The following SYT16 variants were observed in gnomAD, a reference collection of about 807,000 sequenced individuals.
SYT16 encodes the protein synaptotagmin 16.
SYT16 carries 42 observed loss-of-function variants against 61.4 expected under a neutral mutation model. That is an observed-to-expected ratio of 0.68 (90% CI 0.53 to 0.89). SYT16 has a LOEUF of 0.89. Ranked by LOEUF, SYT16 falls within the 40% of genes least tolerant of loss-of-function variation. The pLI is 0.00. For missense variants in SYT16, 804 were observed against 807.3 expected, an observed-to-expected ratio of 1.00 and a Z score of 0.05; for synonymous variants, 314 against 302.3, an observed-to-expected ratio of 1.04 and a Z score of -0.40.
intron 1 of SYT16, among the ~76,000 whole-genome samples, chr14:61,926,185 A>C (rs2049527861): frequency 2.0e-5 from 3 of 151,866 alleles, no homozygotes; most frequent in Admixed American, 1.3e-4. Flanking sequence ...TAGACATTAG[A>C]TGCTAGAAGG....
chr14:61,946,866 G>C (rs1009713964), intron 1 of SYT16, among the ~76,000 whole-genome samples: 2 of 152,140 alleles, frequency 1.3e-5, no homozygotes, highest in African/African-American at 4.8e-5. Flanking sequence ...GCATAGAACT[G>C]TCTTTAGCTA....
At chr14:61,943,656 G>C (rs1024653752) in intron 1 of SYT16, among the ~76,000 whole-genome samples, 5 of 152,164 alleles carry the variant, frequency 3.3e-5, no homozygotes, top group South Asian at 2.1e-4. Flanking sequence ...AATAGATGCA[G>C]AAAAGGCCTT....
At chr14:62,093,525 G>A (rs541698124) in intron 7 of SYT16, among the ~76,000 whole-genome samples, 1 of 151,862 alleles carries the variant, frequency 6.6e-6, no homozygotes, top group East Asian at 1.9e-4. Flanking sequence ...GTTTATACTG[G>A]GTCCACCTAG....
In SYT16 at chr14:62,000,099, ATTTTTTTT is replaced by A; in HGVS notation, c.523+3579_523+3586del. ...TTTCTAATACTTATTTTGTCTCTCG[ATTTTTTTT>A]TTTTTTTTTTTTTTTTTTTTTAGCG... On this transcript the variant is annotated intron_variant, in intron 3 of 7. Transcript: ENST00000683842. 4.7e-4 allele frequency among the ~76,000 whole-genome samples: 9 copies of A among 18,960 alleles called. No homozygotes were observed. The South Asian group carries it at 0.01, about 21-fold the overall frequency. The allele number at this position is 18,960 out of a possible 152,430, so 12.4% of individuals were successfully genotyped here. A position where few individuals can be genotyped will look rare whatever the true frequency, so the allele number is the denominator to read the frequency against.
intron 1 of SYT16, among the ~76,000 whole-genome samples, chr14:61,936,652 C>T (rs1040362619): frequency 9.9e-5 from 15 of 152,152 alleles, no homozygotes; most frequent in African/African-American, 3.4e-4. Flanking sequence ...TTTTCCACAT[C>T]CCCCGGACTT....
intron 3 of SYT16, 21 bp from the exon 4 acceptor site, chr14:62,069,582 A>T (rs756103512): frequency 2.5e-6 from 4 of 1,609,512 alleles, no homozygotes; most frequent in Admixed American, 1.7e-5. Flanking sequence ...CAGGAGACTC[A>T]TGGCTCTTGT....
At chr14:61,962,058 C>G (rs1328142441) in intron 1 of SYT16, among the ~76,000 whole-genome samples, 11 of 152,000 alleles carry the variant, frequency 7.2e-5, no homozygotes, top group Non-Finnish European at 1.5e-4. Context: ...TAAGTGAGAG[C>G]TAAACATTGA....
intron 1 of SYT16, among the ~76,000 whole-genome samples, chr14:61,822,390 C>T (rs568661401): frequency 3.9e-5 from 6 of 152,202 alleles, no homozygotes; most frequent in Non-Finnish European, 5.9e-5. Context: ...TGGTCTGCTT[C>T]TCTTAGGCCA....
chr14:61,894,291 TAA>T (rs777805364), intron 1 of SYT16, among the ~76,000 whole-genome samples: 32 of 129,386 alleles, frequency 2.5e-4, no homozygotes, highest in Admixed American at 3.2e-4. Context: ...GTCTCGAAAT[TAA>T]AAAAAAAAAA....
intron 1 of SYT16, among the ~76,000 whole-genome samples, chr14:61,861,282 A>G (rs2046953682): frequency 6.6e-6 from 1 of 152,204 alleles, no homozygotes; most frequent in South Asian, 2.1e-4. Flanking sequence ...AAGCTTACCA[A>G]TTTGCAAAAT....
chr14:61,825,554 G>A lies in SYT16; in HGVS notation c.-325+12744G>A, dbSNP rs192916942. Among the ~76,000 whole-genome samples the A allele has an allele frequency of 1.7e-3, 258 of 152,208 alleles. 3 individuals carry two copies. The East Asian group carries it at 0.038, about 23-fold the overall frequency. On this transcript the variant is annotated intron_variant, in intron 1 of 7. Transcript: ENST00000683842. ...AAAAATTAGCCAGGCTTGGTGGTGC[G>A]TGCCTGTAGTCCCAGCTACTTGGGA...
At chr14:61,873,101 CT>C (rs1226508183) in intron 1 of SYT16, among the ~76,000 whole-genome samples, 7 of 151,986 alleles carry the variant, frequency 4.6e-5, no homozygotes, top group Non-Finnish European at 1.0e-4. Context: ...AATGGGCCAA[CT>C]AAAATATTGA....
At chr14:61,908,975 A>G (rs1463110587) in intron 1 of SYT16, among the ~76,000 whole-genome samples, 1 of 152,162 alleles carries the variant, frequency 6.6e-6, no homozygotes, top group African/African-American at 2.4e-5. Context: ...GGCACATGCC[A>G]TTACACCTGG....
At chr14:61,970,651 G>T (rs748663614) in intron 2 of SYT16, among the ~76,000 whole-genome samples, 1 of 152,182 alleles carries the variant, frequency 6.6e-6, no homozygotes, top group Admixed American at 6.5e-5. Flanking sequence ...TCAGGACCAT[G>T]TCCCACCTTG....
At chr14:62,087,021 A>G (rs1240628678) in intron 7 of SYT16, among the ~76,000 whole-genome samples, 1 of 152,188 alleles carries the variant, frequency 6.6e-6, no homozygotes, top group East Asian at 1.9e-4. Flanking sequence ...AGCTTCTGAA[A>G]TGGACCTCTT....
chr14:61,859,474 A>G (rs1594773499), intron 1 of SYT16, among the ~76,000 whole-genome samples: 1 of 151,956 alleles, frequency 6.6e-6, no homozygotes. Flanking sequence ...AAGCTTTACT[A>G]TACAATCCGG....
chr14:61,832,185 A>G lies in SYT16; in HGVS notation c.-325+19375A>G, dbSNP rs536699909. Reference sequence around the variant, plus strand: ...CCAGGAGGCCTTCTCCTTCTTCTTCACGGCTTTCTGTCTGGCAGACAGGTG... The same window carrying G: ...CCAGGAGGCCTTCTCCTTCTTCTTCGCGGCTTTCTGTCTGGCAGACAGGTG... On this transcript the variant is annotated intron_variant, in intron 1 of 7. Coordinates refer to ENST00000683842, the MANE Select transcript of SYT16 (RefSeq NM_001367656.1). 491 of 660,116 alleles carry G rather than the reference A, an allele frequency of 7.4e-4. 4 individuals carry two copies. The highest frequency in any genetic ancestry group is 3.9e-4 in the East Asian group (12 of 31,050). 40.9% of individuals were successfully genotyped at this position (660,116 alleles called of 1,614,324 possible).
intron 1 of SYT16, among the ~76,000 whole-genome samples, chr14:61,896,836 C>T (rs530999834): frequency 1.3e-5 from 2 of 152,130 alleles, no homozygotes; most frequent in South Asian, 4.2e-4. Context: ...AAACTCTAGC[C>T]CCCTCCTCCC....
chr14:61,908,423 C>A (rs923618096), intron 1 of SYT16, among the ~76,000 whole-genome samples: 3 of 152,026 alleles, frequency 2.0e-5, no homozygotes, highest in Admixed American at 6.6e-5. Flanking sequence ...TTTTTAAAGT[C>A]ATTTCAGGTA....
Sources: allele counts gnomAD v4.1 joint callset (sites outside exome capture counted in the v4.1 genomes callset), GRCh38; gene constraint gnomAD v4.1.1; transcripts MANE v1.5; gene names NCBI Gene and HGNC (gene_info 2026-07-23, HGNC 2026-07-21).